HDAC9: variants seen among roughly 807,000 people sequenced by gnomAD.
HDAC9 encodes the protein histone deacetylase 9.
In HDAC9, 41 loss-of-function variants were observed where a neutral mutation model predicts 139.4. The observed-to-expected ratio is 0.29, with a 90% CI of 0.23 to 0.38. The LOEUF (loss-of-function observed/expected upper bound fraction) is 0.38. Ranked by LOEUF, HDAC9 falls within the 10% of genes least tolerant of loss-of-function variation. The pLI is 1.00. For synonymous variants in HDAC9, 517 were observed against 476.2 expected (o/e 1.09, Z -1.12); for missense variants, 1,147 against 1,297.0 (o/e 0.88, Z 1.78).
At chr7:18,194,230 A>G (rs908434615) in intron 2 of HDAC9, among the ~76,000 whole-genome samples, 2 of 152,144 alleles carry the variant, frequency 1.3e-5, no homozygotes, top group Non-Finnish European at 2.9e-5. Flanking sequence ...ATTCTTGATT[A>G]TTAGTAGTTT....
At chr7:18,643,736 G>A (rs1473581389) in intron 8 of HDAC9, among the ~76,000 whole-genome samples, 1 of 152,054 alleles carries the variant, frequency 6.6e-6, no homozygotes, top group Admixed American at 6.6e-5. Context: ...CCTCTTGGAG[G>A]TGGTCTATTA....
At chr7:18,985,599 T>C (rs1785282627) in intron 25 of HDAC9, among the ~76,000 whole-genome samples, 1 of 149,396 alleles carries the variant, frequency 6.7e-6, no homozygotes, top group Admixed American at 6.6e-5. Flanking sequence ...ATGGGATGGC[T>C]GGGTCAAATG....
chr7:18,801,257 G>T (rs985064308), intron 17 of HDAC9, among the ~76,000 whole-genome samples: 5 of 151,860 alleles, frequency 3.3e-5, no homozygotes, highest in South Asian at 4.2e-4. Context: ...TATATTTTGT[G>T]GAAGAAATTA....
intron 25 of HDAC9, among the ~76,000 whole-genome samples, chr7:18,987,831 C>T (rs982158250): frequency 2.0e-5 from 3 of 152,148 alleles, no homozygotes; most frequent in Non-Finnish European, 4.4e-5. Context: ...TCCATTTCTT[C>T]TAGATTTTCT....
chr7:18,239,296 TGA>T (rs1794033823), intron 2 of HDAC9, among the ~76,000 whole-genome samples: 1 of 152,214 alleles, frequency 6.6e-6, no homozygotes, highest in African/African-American at 2.4e-5. Flanking sequence ...TGGGTTACTT[TGA>T]CAGATGTAAC....
At chr7:18,228,447 C>T (rs1793219631) in intron 2 of HDAC9, among the ~76,000 whole-genome samples, 1 of 152,016 alleles carries the variant, frequency 6.6e-6, no homozygotes, top group Non-Finnish European at 1.5e-5. Flanking sequence ...TTGATGTTCA[C>T]TGTCACTGTG....
intron 10 of HDAC9, among the ~76,000 whole-genome samples, chr7:18,648,262 A>G (rs1045464512): frequency 2.0e-5 from 3 of 152,018 alleles, no homozygotes; most frequent in African/African-American, 4.8e-5. Context: ...TACCTGTCCA[A>G]TGCCTTGACA....
intron 16 of HDAC9, among the ~76,000 whole-genome samples, chr7:18,789,720 A>G (rs527624284): frequency 3.3e-5 from 5 of 152,230 alleles, no homozygotes; most frequent in Admixed American, 2.6e-4. Context: ...AATCCTGCAT[A>G]TCTGTATGCA....
intron 6 of HDAC9, among the ~76,000 whole-genome samples, chr7:18,607,974 T>C (rs927889163): frequency 3.9e-5 from 6 of 152,084 alleles, no homozygotes; most frequent in South Asian, 2.1e-4. Flanking sequence ...TTAGATAAGA[T>C]TGGAATGAGA....
chr7:18,954,453 T>TCC, intron 24 of HDAC9: 1 of 445,070 alleles, frequency 2.2e-6, no homozygotes, highest in African/African-American at 2.1e-5. Flanking sequence ...CTCATGTATT[T>TCC]CAGGTATTTG....
At chr7:18,189,539 C>T (rs1208908787) in intron 2 of HDAC9, among the ~76,000 whole-genome samples, 1 of 152,086 alleles carries the variant, frequency 6.6e-6, no homozygotes, top group African/African-American at 2.4e-5. Flanking sequence ...AGTTCCCAGA[C>T]CCCACTTGAC....
intron 2 of HDAC9, among the ~76,000 whole-genome samples, chr7:18,514,410 G>T (rs946419483): frequency 6.6e-6 from 1 of 152,094 alleles, no homozygotes; most frequent in Non-Finnish European, 1.5e-5. Flanking sequence ...TCTTTGCCCA[G>T]TGACTACATT....
intron 2 of HDAC9, among the ~76,000 whole-genome samples, chr7:18,584,096 C>G (rs1489043822): frequency 6.7e-6 from 1 of 149,008 alleles, no homozygotes; most frequent in African/African-American, 2.5e-5. Flanking sequence ...GATATCCTGT[C>G]TGTGAGTTTT....
At chr7:18,732,579 GTA>G (rs1301423912) in intron 13 of HDAC9, among the ~76,000 whole-genome samples, 12 of 146,048 alleles carry the variant, frequency 8.2e-5, no homozygotes, top group African/African-American at 2.1e-4. Context: ...ATGTGCATGT[GTA>G]TATACACACA....
chr7:18,547,965 G>A (rs1218122324), intron 2 of HDAC9, among the ~76,000 whole-genome samples: 1 of 149,374 alleles, frequency 6.7e-6, no homozygotes, highest in Non-Finnish European at 1.5e-5. Flanking sequence ...TTTGGTTCAA[G>A]AGGCCTTGCT....
chr7:18,272,767 A>C, intron 2 of HDAC9, among the ~76,000 whole-genome samples: 1 of 152,168 alleles, frequency 6.6e-6, no homozygotes, highest in Non-Finnish European at 1.5e-5. Flanking sequence ...GTAAAATTCT[A>C]ATCAAGACCT....
chr7:18,532,941 C>T (rs575122666), intron 2 of HDAC9, among the ~76,000 whole-genome samples: 44 of 152,146 alleles, frequency 2.9e-4, no homozygotes, highest in Non-Finnish European at 5.9e-4. Context: ...TTCCCCTGTA[C>T]CCATATGTGT....
intron 1 of HDAC9, among the ~76,000 whole-genome samples, chr7:18,382,506 T>C (rs140300487): frequency 6.6e-6 from 1 of 152,382 alleles, no homozygotes; most frequent in Non-Finnish European, 1.5e-5. Flanking sequence ...GCAGTTACTT[T>C]TCTAAGCCCT....
chr7:18,603,519 G>T (rs184746399), intron 6 of HDAC9, among the ~76,000 whole-genome samples: 32 of 152,060 alleles, frequency 2.1e-4, no homozygotes, highest in African/African-American at 7.5e-4. Flanking sequence ...GTGAATCCAT[G>T]TCCACTTTCA....
Sources: allele counts gnomAD v4.1 joint callset (sites outside exome capture counted in the v4.1 genomes callset), GRCh38; gene constraint gnomAD v4.1.1; transcripts MANE v1.5; gene names NCBI Gene and HGNC (gene_info 2026-07-23, HGNC 2026-07-21).